Variants in PLEKHM1 observed in about 807,000 individuals in gnomAD.
The protein encoded by PLEKHM1 is pleckstrin homology domain-containing family M member 1.
A neutral mutation model predicts 94.3 loss-of-function variants in PLEKHM1; 28 were observed. The observed-to-expected ratio is 0.30, with a 90% CI of 0.22 to 0.41. The LOEUF is 0.41. Among genes scored for constraint, PLEKHM1 ranks in the 10% least tolerant of loss-of-function variants. The pLI is 1.00. For missense variants in PLEKHM1, 907 were observed against 1,358.6 expected (o/e 0.67, Z 5.22); for synonymous variants, 424 against 581.2 (o/e 0.73, Z 3.89).
In PLEKHM1 at chr17:45,444,586, G is replaced by A. The variant is rs2050545160; in HGVS notation, c.2837+884C>T. On this transcript the variant is annotated intron_variant, in intron 9 of 11. Coordinates refer to ENST00000430334, the MANE Select transcript of PLEKHM1 (RefSeq NM_014798.3). This position sits in a 1 kb window ranked among gnomAD's most constrained non-coding sequence, Gnocchi z 5.0. ...GTACAGGGAAGAGATGGGAACATCT[G>A]GCCCTCACCTGCCTCTCGCCACACT... 6.6e-6 allele frequency among the ~76,000 whole-genome samples: 1 copy of A among 152,184 alleles called. No individual in the cohort carries two copies. The highest frequency in any genetic ancestry group is 2.1e-4 in the South Asian group (1 of 4,836).
Position 45,437,731 on chromosome 17 carries a change from C to G in PLEKHM1, c.*127G>C. On this transcript the variant is annotated 3_prime_UTR_variant, in exon 12 of 12. Coordinates refer to ENST00000430334, the MANE Select transcript of PLEKHM1 (RefSeq NM_014798.3). This position sits in a 1 kb window ranked among gnomAD's most constrained non-coding sequence, Gnocchi z 4.0. ...TGGGAGGCCGGTGCTCTGGCCACAT[C>G]TGAGGGTCTTCCTGACAAGGGGACA... is the stretch of plus-strand genomic sequence containing the variant. The G allele has an allele frequency of 1.3e-6, 1 of 799,612 alleles. No homozygotes were observed. The allele number at this position is 799,612 out of a possible 1,614,324, so 49.5% of individuals were successfully genotyped here.
In PLEKHM1 at chr17:45,445,437, G is replaced by C. The variant is rs775317455; in HGVS notation, c.2837+33C>G. ...TGTGCATGCATGTGCGTGTGTACGT[G>C]CACTCACACGCATACACGTAGAGGT... On this transcript the variant is annotated intron_variant, in intron 9 of 11. Transcript: ENST00000430334. This position sits in a 1 kb window ranked among gnomAD's most constrained non-coding sequence, Gnocchi z 4.2. 1 of 1,576,530 alleles carries C rather than the reference G, an allele frequency of 6.3e-7. No individual in the cohort carries two copies. Among genetic ancestry groups the C allele is most frequent in the South Asian group, 1.1e-5 (1 of 90,240 alleles).
intron 4 of PLEKHM1, among the ~76,000 whole-genome samples, chr17:45,472,133 T>A (rs577718553): frequency 1.3e-5 from 2 of 152,382 alleles, no homozygotes; most frequent in East Asian, 3.9e-4. Flanking sequence ...AATATTTAAA[T>A]AATGTAACAA....
chr17:45,465,771 C>T (rs1317844579), intron 5 of PLEKHM1, among the ~76,000 whole-genome samples: 2 of 152,046 alleles, frequency 1.3e-5, no homozygotes, highest in African/African-American at 4.8e-5. Context: ...GACTATAGAG[C>T]TGCAAGGAGG....
intron 11 of PLEKHM1, among the ~76,000 whole-genome samples, chr17:45,438,606 G>A (rs570182488): frequency 6.6e-6 from 1 of 152,004 alleles, no homozygotes; most frequent in East Asian, 2.0e-4. Flanking sequence ...GCCCAGGCTG[G>A]AGTGCAGTGG....
intron 4 of PLEKHM1, among the ~76,000 whole-genome samples, chr17:45,469,114 A>G (rs2051417499): frequency 6.6e-6 from 1 of 151,828 alleles, no homozygotes; most frequent in Non-Finnish European, 1.5e-5. Context: ...CTGGGACAGC[A>G]AGGGGAGGTG....
intron 1 of PLEKHM1, among the ~76,000 whole-genome samples, chr17:45,488,995 C>T (rs1212101528): frequency 4.6e-5 from 7 of 152,080 alleles, no homozygotes; most frequent in African/African-American, 7.2e-5. Context: ...CATCTGATGC[C>T]GGGTCCTCAG....
rs2050851422 is a variant in PLEKHM1, at chr17:45,453,780, T to C, written c.2072A>G (p.Tyr691Cys). 21 of 1,613,816 alleles carry C rather than the reference T, an allele frequency of 1.3e-5. No individual in the cohort carries two copies. In the East Asian group the frequency reaches 2.0e-4, roughly 15 times the overall value. Residue 691 changes from tyrosine to cysteine, a missense_variant, in exon 7 of 12, where the codon TAC becomes TGC. Physicochemically the swap from Tyr to Cys is radical, Grantham distance 194. Coordinates refer to ENST00000430334, the MANE Select transcript of PLEKHM1 (RefSeq NM_014798.3). This position sits in a 1 kb window ranked among gnomAD's most constrained non-coding sequence, Gnocchi z 4.1. ...EPDAIKESLL[Y>C]LYMDRTWMPY... ...CATCCAGGTCCTGTCCATGTACAAGTACAGCAGGGACTCCTTGATGGCATC... is the reference window on the plus strand; with the variant it reads ...CATCCAGGTCCTGTCCATGTACAAGCACAGCAGGGACTCCTTGATGGCATC...
At position 45,457,035 on chromosome 17, in the gene PLEKHM1, C is replaced by G. The variant is rs140741534; in HGVS notation, c.1579+1134G>C. Among the ~76,000 whole-genome samples the G allele has an allele frequency of 1.2e-3, 176 of 152,084 alleles. 2 individuals carry two copies. Among genetic ancestry groups the G allele is most frequent in the African/African-American group, 4.1e-3 (169 of 41,480 alleles). ...ATGTCCACTGGAAATACAAGAATCA[C>G]CTGGGTGTGGCAGTGCATGTCTGTA... On this transcript the variant is annotated intron_variant, in intron 6 of 11. Coordinates refer to ENST00000430334, the MANE Select transcript of PLEKHM1 (RefSeq NM_014798.3).
chr17:45,441,208 C>G (rs2050436451), intron 9 of PLEKHM1: 1 of 152,172 alleles, frequency 6.6e-6, no homozygotes, highest in Admixed American at 6.5e-5. Flanking sequence ...TGGGAACCTG[C>G]CCCAGGATGC....
chr17:45,489,011 A>G (rs1209388136), intron 1 of PLEKHM1, among the ~76,000 whole-genome samples: 2 of 152,234 alleles, frequency 1.3e-5, no homozygotes, highest in Admixed American at 6.5e-5. Flanking sequence ...CTCAGGATTC[A>G]GAGAAAATGT....
At chr17:45,456,690 C>A (rs1207649036) in intron 6 of PLEKHM1, among the ~76,000 whole-genome samples, 1 of 152,238 alleles carries the variant, frequency 6.6e-6, no homozygotes, top group Non-Finnish European at 1.5e-5. Context: ...ACAGCAAGGC[C>A]CCCTGAGCTG....
At chr17:45,457,398 T>A (rs901839839) in intron 6 of PLEKHM1, among the ~76,000 whole-genome samples, 3 of 151,872 alleles carry the variant, frequency 2.0e-5, no homozygotes, top group Non-Finnish European at 4.4e-5. Flanking sequence ...ACCCCGTCTC[T>A]ACTAATACAA....
chr17:45,481,701 G>A (rs1022168629), intron 2 of PLEKHM1, among the ~76,000 whole-genome samples: 4 of 149,662 alleles, frequency 2.7e-5, no homozygotes, highest in Non-Finnish European at 4.5e-5. Flanking sequence ...AAGAGCCTCT[G>A]CATGAAAGCC....
At chr17:45,473,236 A>G (rs1364181605) in intron 4 of PLEKHM1, among the ~76,000 whole-genome samples, 1 of 152,154 alleles carries the variant, frequency 6.6e-6, no homozygotes, top group Non-Finnish European at 1.5e-5. Context: ...CCCATTAAAT[A>G]CTGGGCTGAT....
intron 8 of PLEKHM1, among the ~76,000 whole-genome samples, chr17:45,449,553 C>G (rs1295063503): frequency 6.6e-6 from 1 of 152,002 alleles, no homozygotes; most frequent in Non-Finnish European, 1.5e-5. Context: ...TACCTATCCA[C>G]CCATTCACCA....
rs546263253 is a variant in PLEKHM1 at position 45,454,430 on chromosome 17, G to A, written c.1580-158C>T. The A allele has an allele frequency of 3.9e-4, 273 of 698,160 alleles. 2 individuals carry two copies. Among genetic ancestry groups the A allele is most frequent in the South Asian group, 1.4e-3 (87 of 63,924 alleles). The allele number at this position is 698,160 out of a possible 1,614,324, so 43.2% of individuals were successfully genotyped here. A position where few individuals can be genotyped will look rare whatever the true frequency, so the allele number is the denominator to read the frequency against. ...GGCACTATCACATGGGACCCTGAAAGCTGGATGGGAACATCCCCATTCTCA... is the reference window on the plus strand; with the variant it reads ...GGCACTATCACATGGGACCCTGAAAACTGGATGGGAACATCCCCATTCTCA... On this transcript the variant is annotated intron_variant, in intron 6 of 11. Coordinates refer to ENST00000430334, the MANE Select transcript of PLEKHM1 (RefSeq NM_014798.3).
In PLEKHM1 at chr17:45,475,402, G is replaced by A. The variant is rs767105534; in HGVS notation, c.621C>T (p.Leu207=). The A allele has an allele frequency of 6.8e-6, 11 of 1,613,762 alleles. No individual in the cohort carries two copies. The African/African-American group carries it at 9.3e-5, about 14-fold the overall frequency. ...GLCPLSELDP[L]STSGAELQRK... Reference sequence around the variant, plus strand: ...GCTGTAGTTCTGCACCAGAGGTAGAGAGAGGGTCCAGCTCAGAAAGCGGGC... The same window carrying A: ...GCTGTAGTTCTGCACCAGAGGTAGAAAGAGGGTCCAGCTCAGAAAGCGGGC... Residue 207 remains leucine, a synonymous_variant, in exon 4 of 12, where the codon CTC becomes CTT. Transcript: ENST00000430334.
At chr17:45,486,681 A>G (rs2052141819) in intron 1 of PLEKHM1, among the ~76,000 whole-genome samples, 1 of 152,216 alleles carries the variant, frequency 6.6e-6, no homozygotes, top group Admixed American at 6.5e-5. Flanking sequence ...AATGACTGAC[A>G]AGAGCTCAGA....
Sources: gnomAD v4.1 joint callset for allele counts (sites outside exome capture counted in the v4.1 genomes callset) on GRCh38, gnomAD v4.1.1 for gene constraint, Gnocchi (gnomAD v3.1) non-coding constraint, MANE v1.5 for transcripts, NCBI Gene and HGNC (gene_info 2026-07-23, HGNC 2026-07-21) for gene names.